HESX1: variants seen among roughly 807,000 people sequenced by gnomAD.
HESX1 encodes the protein HESX homeobox 1.
Under a neutral mutation model 22.5 loss-of-function variants are expected in HESX1, and 11 were observed. That is an observed-to-expected ratio of 0.49 (90% confidence interval 0.31 to 0.81). The LOEUF (loss-of-function observed/expected upper bound fraction) is 0.81, where lower values mean the gene tolerates loss of function less well. Ranked by LOEUF, HESX1 falls within the 30% of genes least tolerant of loss-of-function variation. The pLI, the probability that HESX1 is intolerant of heterozygous loss-of-function variation, is 0.05. For synonymous variants in HESX1, 74 were observed against 76.5 expected (o/e 0.97, Z 0.17); for missense variants, 201 against 212.6 (o/e 0.95, Z 0.34).
intron 1 of HESX1, among the ~76,000 whole-genome samples, chr3:57,220,187 C>T (rs1246782837): frequency 6.6e-6 from 1 of 152,154 alleles, no homozygotes; most frequent in Non-Finnish European, 1.5e-5. Flanking sequence ...TACTCTGTTC[C>T]ATTGGTCTAT....
chr3:57,198,814 A>G lies in HESX1; in HGVS notation c.296T>C (p.Leu99Ser), dbSNP rs1559496898. ...NYFSASERLS[L>S]KRELSWYRGR... ...TCTATACCAACTCAACTCTCTTTTC[A>G]AAGACAGTCTTTCTGAGGCTGAAAA... The change falls in exon 2 of 4, where the codon TTG (leucine) becomes TCG (serine). Residue 99 changes from leucine to serine, a missense_variant. Transcript: ENST00000295934. 1.2e-6 allele frequency: 2 copies of G among 1,614,154 alleles called. No individual in the cohort carries two copies. Among genetic ancestry groups the G allele is most frequent in the Non-Finnish European group, 1.7e-6 (2 of 1,180,020 alleles).
At chr3:57,202,489 C>A (rs1407419034), upstream of HESX1, among the ~76,000 whole-genome samples, 1 of 152,032 alleles carries the variant, frequency 6.6e-6, no homozygotes, top group Non-Finnish European at 1.5e-5. Flanking sequence ...GTGTGCACCA[C>A]CAAGCCTGGC....
At chr3:57,198,318 T>C in intron 3 of HESX1, 23 bp from the exon 4 acceptor site, 1 of 1,582,586 alleles carries the variant, frequency 6.3e-7, no homozygotes, top group Non-Finnish European at 8.7e-7. Flanking sequence ...AAAAATAAAA[T>C]AGGTCTCAGA....
intron 1 of HESX1, among the ~76,000 whole-genome samples, chr3:57,210,583 A>G (rs1050806025): frequency 9.9e-5 from 15 of 152,204 alleles, no homozygotes; most frequent in African/African-American, 3.4e-4. Context: ...CTTAAATATA[A>G]GTTTATTTTT....
upstream of HESX1, among the ~76,000 whole-genome samples, chr3:57,200,949 G>C (rs1403350108): frequency 6.6e-6 from 1 of 152,222 alleles, no homozygotes; most frequent in Non-Finnish European, 1.5e-5. Context: ...TATAACTGCT[G>C]ATTGGGAAGA....
chr3:57,215,852 G>C (rs990942235), intron 1 of HESX1, among the ~76,000 whole-genome samples: 5 of 151,802 alleles, frequency 3.3e-5, no homozygotes, highest in African/African-American at 7.3e-5. Context: ...CATGTTCAAC[G>C]GTCTATTCAC....
upstream of HESX1, among the ~76,000 whole-genome samples, chr3:57,204,798 C>CA (rs35358466): frequency 8.5e-3 from 1,138 of 134,444 alleles, 6 homozygotes; most frequent in South Asian, 0.031. Context: ...AACCTTGTCT[C>CA]AAAAAAAAAA....
chr3:57,199,052 G>T, intron 1 of HESX1, 100 bp from the exon 2 acceptor site: 1 of 1,107,138 alleles, frequency 9.0e-7, no homozygotes, highest in Non-Finnish European at 1.4e-6. Flanking sequence ...TTTCCTAGTG[G>T]AATTCTGGGG....
chr3:57,226,043 A>T (rs1423422043), intron 1 of HESX1, among the ~76,000 whole-genome samples: 1 of 151,864 alleles, frequency 6.6e-6, no homozygotes, highest in Non-Finnish European at 1.5e-5. Context: ...ACGCCCGGCT[A>T]ATTTTTGTAT....
upstream of HESX1, among the ~76,000 whole-genome samples, chr3:57,226,690 T>C (rs2060648005): frequency 1.3e-5 from 2 of 152,238 alleles, no homozygotes. Flanking sequence ...TTTGTTCCCA[T>C]GTATCTGTGG....
intron 1 of HESX1, among the ~76,000 whole-genome samples, chr3:57,217,001 A>G (rs908069836): frequency 6.6e-6 from 1 of 152,192 alleles, no homozygotes; most frequent in Non-Finnish European, 1.5e-5. Flanking sequence ...GATTTGGCCA[A>G]TGGGAGTCCC....
intron 1 of HESX1, among the ~76,000 whole-genome samples, chr3:57,211,847 C>A (rs2060556297): frequency 6.6e-6 from 1 of 151,540 alleles, no homozygotes; most frequent in African/African-American, 2.4e-5. Flanking sequence ...AAAAAAAAAT[C>A]CAAGTTTAAA....
At chr3:57,202,864 G>A (rs552100454), upstream of HESX1, among the ~76,000 whole-genome samples, 5 of 152,186 alleles carry the variant, frequency 3.3e-5, no homozygotes, top group South Asian at 1.0e-3. Flanking sequence ...CTGAAGCTGA[G>A]CTAGCATGCC....
chr3:57,197,958 T>TA lies in HESX1; in HGVS notation c.*238dup, dbSNP rs34625236. ...ATTTATTAGATTAATTTGGCTTACTTAAAAAATAGCAATCTTTTCTGAAAA... is the reference window on the plus strand; with the variant it reads ...ATTTATTAGATTAATTTGGCTTACTTAAAAAAATAGCAATCTTTTCTGAAAA... On this transcript the variant is annotated 3_prime_UTR_variant, in exon 4 of 4. Coordinates refer to ENST00000295934, the MANE Select transcript of HESX1 (RefSeq NM_003865.3). 2.9e-6 allele frequency: 1 copy of TA among 340,878 alleles called. No individual in the cohort carries two copies. The highest frequency in any genetic ancestry group is 6.9e-5 in the South Asian group (1 of 14,528). 21.1% of individuals were successfully genotyped at this position (340,878 alleles called of 1,614,324 possible). A position where few individuals can be genotyped will look rare whatever the true frequency, so the allele number is the denominator to read the frequency against.
At chr3:57,218,153 T>C (rs556289499) in intron 1 of HESX1, among the ~76,000 whole-genome samples, 25 of 152,318 alleles carry the variant, frequency 1.6e-4, no homozygotes, top group Admixed American at 6.5e-4. Flanking sequence ...GTTTGTTACA[T>C]AGTTAAACCT....
intron 1 of HESX1, among the ~76,000 whole-genome samples, chr3:57,208,428 C>A (rs1445505814): frequency 6.6e-6 from 1 of 152,010 alleles, no homozygotes; most frequent in Non-Finnish European, 1.5e-5. Flanking sequence ...CTCACTGCAG[C>A]CTCTGCCTCC....
At chr3:57,214,785 A>G (rs1297872345) in intron 1 of HESX1, among the ~76,000 whole-genome samples, 1 of 152,180 alleles carries the variant, frequency 6.6e-6, no homozygotes, top group Non-Finnish European at 1.5e-5. Context: ...CATCAGAGAC[A>G]GGGGTGTGTG....
chr3:57,211,048 A>G (rs1559500401), intron 1 of HESX1, among the ~76,000 whole-genome samples: 1 of 151,798 alleles, frequency 6.6e-6, no homozygotes, highest in Non-Finnish European at 1.5e-5. Flanking sequence ...GAGAAACCCC[A>G]ACTCTACTAA....
upstream of HESX1, among the ~76,000 whole-genome samples, chr3:57,201,760 G>A (rs894811618): frequency 2.6e-5 from 4 of 151,698 alleles, no homozygotes; most frequent in East Asian, 5.8e-4. Flanking sequence ...ATGCCACAGC[G>A]CATGCCAGAG....
Sources: allele counts gnomAD v4.1 joint callset (sites outside exome capture counted in the v4.1 genomes callset), GRCh38; gene constraint gnomAD v4.1.1; transcripts MANE v1.5; gene names NCBI Gene and HGNC (gene_info 2026-07-23, HGNC 2026-07-21).